Variants in DLX1 observed in about 807,000 individuals in gnomAD.
The protein encoded by DLX1 is distal-less homeobox 1, also known as homeobox protein DLX-1.
Under a neutral mutation model 25.0 loss-of-function variants are expected in DLX1, and 7 were observed. That is an observed-to-expected ratio of 0.28 (90% CI 0.16 to 0.52). The LOEUF (loss-of-function observed/expected upper bound fraction) is 0.52, where lower values mean the gene tolerates loss of function less well. Among genes scored for constraint, DLX1 ranks in the 20% least tolerant of loss-of-function variants. The pLI is 0.96. For missense variants in DLX1, 233 were observed against 334.4 expected (o/e 0.70, Z 2.37); for synonymous variants, 155 against 140.3 (o/e 1.10, Z -0.74).
chr2:172,086,899 G>T (rs771429716), intron 2 of DLX1, 46 bp downstream of exon 2: 8 of 1,599,072 alleles, frequency 5.0e-6, no homozygotes, highest in Non-Finnish European at 6.9e-6. Context: ...GCTTTCCGCG[G>T]CCGGCCTGCG....
Position 172,085,663 on chromosome 2 carries a change from A to T in DLX1, c.-15A>T, listed in dbSNP as rs770622501. On this transcript the variant is annotated 5_prime_UTR_variant, in exon 1 of 3. Coordinates refer to ENST00000361725, the MANE Select transcript of DLX1 (RefSeq NM_178120.5). The surrounding 1 kb of genome is among the most constrained non-coding windows in gnomAD (Gnocchi z 4.3). The stretch of plus-strand genomic sequence containing the variant: ...AGAGGAGAGAAAGTCCCACACCCAG[A>T]CCCCGCGAGAAGAGATGACCATGAC... The T allele has an allele frequency of 6.2e-7, 1 of 1,607,074 alleles. No homozygotes were observed. Among genetic ancestry groups the T allele is most frequent in the Admixed American group, 1.7e-5 (1 of 59,458 alleles).
rs551784335 is a variant in DLX1 at position 172,087,538 on chromosome 2, C to G, written c.514-465C>G. 17 of 460,922 alleles carry G rather than the reference C, an allele frequency of 3.7e-5. No homozygotes were observed. In the East Asian group the frequency reaches 9.6e-4, roughly 26 times the overall value. The allele number at this position is 460,922 out of a possible 1,614,324, so 28.6% of individuals were successfully genotyped here. ...TTGAGGCCTCCTTAGTCCGTCCCAACTCAAGGGCAGAAAAGATGGCGCATA... is the reference window on the plus strand; with the variant it reads ...TTGAGGCCTCCTTAGTCCGTCCCAAGTCAAGGGCAGAAAAGATGGCGCATA... On this transcript the variant is annotated intron_variant, in intron 2 of 2. Transcript: ENST00000361725.
intron 1 of DLX1, 119 bp downstream of exon 1, chr2:172,086,109 GGT>G (rs1274557586): frequency 1.1e-5 from 8 of 706,190 alleles, no homozygotes; most frequent in African/African-American, 9.0e-5. Flanking sequence ...AGCGAGGTGG[GGT>G]GGGGGTGGGG....
chr2:172,088,249 C>G lies in DLX1; in HGVS notation c.760C>G (p.Leu254Val). The G allele has an allele frequency of 1.3e-6, 2 of 1,492,890 alleles. No homozygotes were observed. The highest frequency in any genetic ancestry group is 9.0e-7 in the Non-Finnish European group (1 of 1,115,184). The allele number at this position is 1,492,890 out of a possible 1,614,324, so 92.5% of individuals were successfully genotyped here. A position where few individuals can be genotyped will look rare whatever the true frequency, so the allele number is the denominator to read the frequency against. The part of the protein sequence containing the change: ...AHQEAMQQPQ[L>V]M Reference sequence around the variant, plus strand: ...CCAAGAAGCTATGCAGCAACCCCAACTTATGTGAGGTTGCCCGCCCGTCTC... The same window carrying G: ...CCAAGAAGCTATGCAGCAACCCCAAGTTATGTGAGGTTGCCCGCCCGTCTC... The change falls in exon 3 of 3, where the codon CTT becomes GTT. Residue 254 changes from leucine (L) to valine (V), a missense_variant. Around this residue, in one of 3 missense-constraint regions of DLX1, gnomAD observed 84 missense variants for 81.8 expected, o/e 1.03. Transcript: ENST00000361725.
rs1690895895 is a variant in DLX1 at position 172,088,179 on chromosome 2, G to C, written c.690G>C (p.Ala230=). ...CCGGGAAGGGCTCAGGAGGAAACGC[G>C]GGCTCCTATATCCCCAGCTACACAT... ...SSSGKGSGGN[A]GSYIPSYTSW... is the part of the protein sequence containing the mutation. Residue 230 remains alanine (A), a synonymous_variant, in exon 3 of 3, where the codon GCG becomes GCC. Coordinates refer to ENST00000361725, the MANE Select transcript of DLX1 (RefSeq NM_178120.5). The C allele has an allele frequency of 1.2e-6, 2 of 1,609,476 alleles. No individual in the cohort carries two copies. The highest frequency in any genetic ancestry group is 1.3e-5 in the African/African-American group (1 of 74,712).
intron 2 of DLX1, 57 bp downstream of exon 2, chr2:172,086,910 C>A (rs547988379): frequency 1.3e-5 from 20 of 1,571,648 alleles, no homozygotes; most frequent in African/African-American, 6.7e-5. Context: ...CCGGCCTGCG[C>A]CCGGGTCTTC....
intron 1 of DLX1, 37 bp from the exon 2 acceptor site, chr2:172,086,617 G>T: frequency 6.6e-7 from 1 of 1,509,536 alleles, no homozygotes; most frequent in South Asian, 1.3e-5. Flanking sequence ...GCGGCCCCTC[G>T]TATTAACAAC....
At position 172,086,295 on chromosome 2, in the gene DLX1, C is replaced by T. The variant is rs140448725; in HGVS notation, c.313+305C>T. The T allele has an allele frequency of 1.7e-3, 814 of 476,966 alleles. 3 individuals carry two copies. The highest frequency in any genetic ancestry group is 2.4e-3 in the Non-Finnish European group (639 of 271,358). 29.5% of individuals were successfully genotyped at this position (476,966 alleles called of 1,614,324 possible). On this transcript the variant is annotated intron_variant, in intron 1 of 2. Transcript: ENST00000361725. ...GCTCGGTGTGCAGAGCACACAATGCCCCGCTGGAAAACAGAAACCCACATG... is the reference window on the plus strand; with the variant it reads ...GCTCGGTGTGCAGAGCACACAATGCTCCGCTGGAAAACAGAAACCCACATG...
Position 172,085,716 on chromosome 2 carries a change from C to A in DLX1, c.39C>A (p.Pro13=). ...MTTMPESLNS[P]VSGKAVFMEF... The stretch of plus-strand genomic sequence containing the variant: ...CCATGCCAGAAAGTCTCAACAGCCC[C>A]GTGTCGGGCAAGGCGGTGTTTATGG... Residue 13 remains proline, a synonymous_variant, in exon 1 of 3, where the codon CCC becomes CCA. Transcript: ENST00000361725. The surrounding 1 kb of genome is among the most constrained non-coding windows in gnomAD (Gnocchi z 4.3). The A allele has an allele frequency of 6.2e-7, 1 of 1,614,110 alleles. No individual in the cohort carries two copies. Among genetic ancestry groups the A allele is most frequent in the African/African-American group, 1.3e-5 (1 of 75,012 alleles).
In DLX1 at chr2:172,089,237, A is replaced by C. The variant is rs1314585588; in HGVS notation, c.*980A>C. 1 of 152,348 alleles carries C rather than the reference A, an allele frequency of 6.6e-6. No homozygotes were observed. Among genetic ancestry groups the C allele is most frequent in the East Asian group, 1.9e-4 (1 of 5,192 alleles). 9.4% of individuals were successfully genotyped at this position (152,348 alleles called of 1,614,324 possible). A position where few individuals can be genotyped will look rare whatever the true frequency, so the allele number is the denominator to read the frequency against. On this transcript the variant is annotated 3_prime_UTR_variant, in exon 3 of 3. Coordinates refer to ENST00000361725, the MANE Select transcript of DLX1 (RefSeq NM_178120.5). ...AGTAGAGAGAAAACAGGCGAGAACAAGCACTCTAATTCCAGTGGGCTTTAA... is the reference window on the plus strand; with the variant it reads ...AGTAGAGAGAAAACAGGCGAGAACACGCACTCTAATTCCAGTGGGCTTTAA...
intron 2 of DLX1, chr2:172,087,179 G>A (rs1363403710): frequency 1.8e-6 from 1 of 566,062 alleles, no homozygotes; most frequent in Non-Finnish European, 3.4e-6. Context: ...AATAGACTCC[G>A]GGCTTAATCC....
In DLX1 at chr2:172,088,231, G is replaced by T. The variant is rs748395831; in HGVS notation, c.742G>T (p.Ala248Ser). The part of the protein sequence containing the change: ...TSWYPSAHQE[A>S]MQQPQLM ...GTGGTACCCTTCAGCGCACCAAGAA[G>T]CTATGCAGCAACCCCAACTTATGTG... Residue 248 changes from alanine (A) to serine (S), a missense_variant, in exon 3 of 3, where the codon GCT becomes TCT. Ala to Ser is a moderately conservative substitution (Grantham distance 99). Around this residue, in one of 3 missense-constraint regions of DLX1, gnomAD observed 84 missense variants for 81.8 expected, o/e 1.03. Coordinates refer to ENST00000361725, the MANE Select transcript of DLX1 (RefSeq NM_178120.5). 2 of 1,542,666 alleles carry T rather than the reference G, an allele frequency of 1.3e-6. No individual in the cohort carries two copies. The highest frequency in any genetic ancestry group is 8.7e-7 in the Non-Finnish European group (1 of 1,143,202).
In DLX1 at chr2:172,088,081, G is replaced by A. The variant is rs898067787; in HGVS notation, c.592G>A (p.Ala198Thr). ...KQGGAALEGS[A>T]LANGRALSAG... ...GGGTGGGGCGGCTCTGGAGGGTAGTGCGTTGGCCAACGGTCGGGCCCTGTC... is the reference window on the plus strand; with the variant it reads ...GGGTGGGGCGGCTCTGGAGGGTAGTACGTTGGCCAACGGTCGGGCCCTGTC... Residue 198 changes from alanine (A) to threonine (T), a missense_variant, in exon 3 of 3, where the codon GCG (alanine) becomes ACG (threonine). Around this residue, in one of 3 missense-constraint regions of DLX1, gnomAD observed 84 missense variants for 81.8 expected, o/e 1.03. Coordinates refer to ENST00000361725, the MANE Select transcript of DLX1 (RefSeq NM_178120.5). 5 of 1,590,766 alleles carry A rather than the reference G, an allele frequency of 3.1e-6. No homozygotes were observed. Among genetic ancestry groups the A allele is most frequent in the Non-Finnish European group, 4.3e-6 (5 of 1,168,820 alleles).
chr2:172,087,696 C>A, intron 2 of DLX1: 1 of 598,574 alleles, frequency 1.7e-6, no homozygotes, highest in Non-Finnish European at 3.1e-6. Context: ...GCGGTAGCCA[C>A]GGTCGGACTG....
intron 1 of DLX1, 134 bp from the exon 2 acceptor site, chr2:172,086,520 G>T: frequency 1.1e-6 from 1 of 896,434 alleles, no homozygotes; most frequent in Non-Finnish European, 1.7e-6. Context: ...CCCTTCCCTG[G>T]CTTTCAGAGT....
rs1345529362 is a variant in DLX1, at chr2:172,085,890, C to T, written c.213C>T (p.Tyr71=). The T allele has an allele frequency of 6.2e-6, 10 of 1,614,232 alleles. No individual in the cohort carries two copies. In the Admixed American group the frequency reaches 1.2e-4, roughly 19 times the overall value. The change falls in exon 1 of 3, where the codon TAC becomes TAT. Residue 71 remains tyrosine, a synonymous_variant. Coordinates refer to ENST00000361725, the MANE Select transcript of DLX1 (RefSeq NM_178120.5). The surrounding 1 kb of genome is among the most constrained non-coding windows in gnomAD (Gnocchi z 4.3). ...TCTCCCGACCGCTGGGCTACCCCTA[C>T]GTCAACTCGGTCAGCAGCCACGCAT... ...SSFSRPLGYP[Y]VNSVSSHASS...
At position 172,085,574 on chromosome 2, in the gene DLX1, C is replaced by A. The variant is rs1559027747; in HGVS notation, c.-104C>A. The A allele has an allele frequency of 1.5e-5, 18 of 1,205,776 alleles. No individual in the cohort carries two copies. In the South Asian group the frequency reaches 2.6e-4, roughly 18 times the overall value. The allele number at this position is 1,205,776 out of a possible 1,614,324, so 74.7% of individuals were successfully genotyped here. ...TTCTTATGAATGGAAAGTGAAAACC[C>A]CTGTTCCGCTTAAATTGGGTTCCTT... is the stretch of plus-strand genomic sequence containing the variant. On this transcript the variant is annotated 5_prime_UTR_variant, in exon 1 of 3. Coordinates refer to ENST00000361725, the MANE Select transcript of DLX1 (RefSeq NM_178120.5). This position sits in a 1 kb window ranked among gnomAD's most constrained non-coding sequence, Gnocchi z 4.3.
chr2:172,087,899 T>A, intron 2 of DLX1, 104 bp from the exon 3 acceptor site: 1 of 1,453,908 alleles, frequency 6.9e-7, no homozygotes, highest in Non-Finnish European at 9.3e-7. Context: ...GGCGCAGGGT[T>A]GGGAGGTCCT....
At position 172,088,318 on chromosome 2, in the gene DLX1, T is replaced by C. The variant is rs2105521449; in HGVS notation, c.*61T>C. On this transcript the variant is annotated 3_prime_UTR_variant, in exon 3 of 3. Coordinates refer to ENST00000361725, the MANE Select transcript of DLX1 (RefSeq NM_178120.5). Reference sequence around the variant, plus strand: ...CAGGTCCCTCCCGCCTCCAGGTCCATCCATCCCGTCCGGAAAAGAAGGACC... The same window carrying C: ...CAGGTCCCTCCCGCCTCCAGGTCCACCCATCCCGTCCGGAAAAGAAGGACC... 7.1e-7 allele frequency: 1 copy of C among 1,409,010 alleles called. No homozygotes were observed. The highest frequency in any genetic ancestry group is 9.3e-7 in the Non-Finnish European group (1 of 1,074,922). The allele number at this position is 1,409,010 out of a possible 1,614,324, so 87.3% of individuals were successfully genotyped here. A position where few individuals can be genotyped will look rare whatever the true frequency, so the allele number is the denominator to read the frequency against.
Sources: gnomAD v4.1 joint callset for allele counts on GRCh38, gnomAD v4.1.1 for gene constraint, gnomAD v4.1.1 regional missense constraint, Gnocchi (gnomAD v3.1) non-coding constraint, MANE v1.5 for transcripts, NCBI Gene and HGNC (gene_info 2026-07-23, HGNC 2026-07-21) for gene names.